Variants in SDHB observed in about 807,000 individuals in gnomAD.
SDHB encodes the protein succinate dehydrogenase [ubiquinone] iron-sulfur subunit, mitochondrial.
SDHB carries 21 observed loss-of-function variants against 39.7 expected under a neutral mutation model. The observed-to-expected ratio is 0.53, with a 90% CI of 0.37 to 0.76. SDHB has a LOEUF of 0.76. Among genes scored for constraint, SDHB ranks in the 30% least tolerant of loss-of-function variants. SDHB has a pLI of 0.00. For synonymous variants in SDHB, 118 were observed against 117.0 expected, an observed-to-expected ratio of 1.01 and a Z score of -0.06; for missense variants, 343 against 350.9, an observed-to-expected ratio of 0.98 and a Z score of 0.18.
chr1:17,050,216 T>C (rs1444255777), intron 1 of SDHB, among the ~76,000 whole-genome samples: 1 of 152,216 alleles, frequency 6.6e-6, no homozygotes, highest in Non-Finnish European at 1.5e-5. Flanking sequence ...ATATGAATGA[T>C]GTGAAATAAG....
Position 17,029,093 on chromosome 1 carries a change from GTTTTTTTTTTTTT to G in SDHB, c.287-370_287-358del, listed in dbSNP as rs746243819. ...ACGTGTTTTGAAGAAAAATCAGCCT[GTTTTTTTTTTTTT>G]TTTTTTTTTTTTTTTTAAAGAAAGG... On this transcript the variant is annotated intron_variant, in intron 3 of 7. Coordinates refer to ENST00000375499, the MANE Select transcript of SDHB (RefSeq NM_003000.3). Among the ~76,000 whole-genome samples, 714 of 72,062 alleles carry G rather than the reference GTTTTTTTTTTTTT, an allele frequency of 9.9e-3. 11 individuals carry two copies. The highest frequency in any genetic ancestry group is 0.035 in the African/African-American group (659 of 18,626). 47.3% of individuals were successfully genotyped at this position (72,062 alleles called of 152,430 possible). A position where few individuals can be genotyped will look rare whatever the true frequency, so the allele number is the denominator to read the frequency against.
rs774960237 is a variant in SDHB at position 17,033,113 on chromosome 1, T to C, written c.233A>G (p.Lys78Arg). 4 of 1,613,886 alleles carry C rather than the reference T, an allele frequency of 2.5e-6. No homozygotes were observed. The highest frequency in any genetic ancestry group is 2.5e-6 in the Non-Finnish European group (3 of 1,179,780). The change falls in exon 3 of 8, where the codon AAG (lysine) becomes AGG (arginine). Residue 78 changes from lysine to arginine, a missense_variant. Transcript: ENST00000375499. ...AGTAGAGTCAACTTCATTCTTAATC[T>C]TGATTAAAGCATCCAATACCATGGG... is the stretch of plus-strand genomic sequence containing the variant. ...CGPMVLDALI[K>R]IKNEVDSTLT...
chr1:17,035,505 A>C (rs1023807173), intron 2 of SDHB, among the ~76,000 whole-genome samples: 2 of 152,152 alleles, frequency 1.3e-5, no homozygotes, highest in African/African-American at 4.8e-5. Context: ...TTTAAATGAC[A>C]ACAACATCTT....
At chr1:17,036,588 G>A (rs553331348) in intron 2 of SDHB, among the ~76,000 whole-genome samples, 2 of 151,264 alleles carry the variant, frequency 1.3e-5, no homozygotes, top group South Asian at 4.2e-4. Context: ...TTCATTTTAG[G>A]ATTGTTCATT....
At chr1:17,021,000 TG>T (rs1233333203) in intron 7 of SDHB, among the ~76,000 whole-genome samples, 2 of 152,234 alleles carry the variant, frequency 1.3e-5, no homozygotes, top group Non-Finnish European at 2.9e-5. Context: ...TGCCGCCCAC[TG>T]ACTCACTGCA....
intron 2 of SDHB, among the ~76,000 whole-genome samples, chr1:17,037,192 T>C (rs1277547335): frequency 6.6e-6 from 1 of 152,090 alleles, no homozygotes; most frequent in Non-Finnish European, 1.5e-5. Context: ...TTATGCATAA[T>C]AAAAAACTAA....
chr1:17,018,825 A>G lies in SDHB; in HGVS notation c.*56T>C. 1 of 1,243,076 alleles carries G rather than the reference A, an allele frequency of 8.0e-7. No homozygotes were observed. The allele number at this position is 1,243,076 out of a possible 1,614,324, so 77.0% of individuals were successfully genotyped here. ...AGATCTTTAAAGGAACTCAAATTAG[A>G]TATAAATTATGTTCAGCTCTGAGCT... On this transcript the variant is annotated 3_prime_UTR_variant, in exon 8 of 8. Transcript: ENST00000375499.
chr1:17,021,136 T>G (rs997681708), intron 7 of SDHB, among the ~76,000 whole-genome samples: 2 of 152,178 alleles, frequency 1.3e-5, no homozygotes, highest in South Asian at 4.1e-4. Context: ...CTGCTATGGT[T>G]TGAATGTGTC....
chr1:17,022,002 G>C lies in SDHB; in HGVS notation c.765+606C>G, dbSNP rs537750609. The stretch of plus-strand genomic sequence containing the variant: ...GCCTCTGATGTGCAGGCATGAGAAG[G>C]TGAGCTGGGCCAATGCGACACCCTC... On this transcript the variant is annotated intron_variant, in intron 7 of 7. Transcript: ENST00000375499. Among the ~76,000 whole-genome samples, 5 of 152,340 alleles carry C rather than the reference G, an allele frequency of 3.3e-5. 1 individual carries two copies. In the South Asian group the frequency reaches 1.0e-3, roughly 32 times the overall value.
At chr1:17,024,298 T>C (rs1420256059) in intron 5 of SDHB, among the ~76,000 whole-genome samples, 2 of 152,212 alleles carry the variant, frequency 1.3e-5, no homozygotes, top group South Asian at 2.1e-4. Context: ...AATCCACGTA[T>C]AGTGCACTTT....
chr1:17,024,128 G>A (rs2077979310), intron 5 of SDHB, 54 bp from the exon 6 acceptor site: 22 of 1,221,852 alleles, frequency 1.8e-5, no homozygotes, highest in Non-Finnish European at 2.6e-5. Flanking sequence ...ACTCTGCTAT[G>A]TCTTCAGCTG....
At chr1:17,051,964 C>T (rs915660682) in intron 1 of SDHB, among the ~76,000 whole-genome samples, 1 of 151,902 alleles carries the variant, frequency 6.6e-6, no homozygotes, top group Non-Finnish European at 1.5e-5. Context: ...GCCTCAGCCT[C>T]CTGTGTAGCT....
chr1:17,050,449 G>A (rs1408417743), intron 1 of SDHB, among the ~76,000 whole-genome samples: 1 of 151,852 alleles, frequency 6.6e-6, no homozygotes, highest in Non-Finnish European at 1.5e-5. Flanking sequence ...AGGAGTTCGA[G>A]ATCAGCCTGG....
At chr1:17,041,532 C>T (rs991928897) in intron 2 of SDHB, among the ~76,000 whole-genome samples, 4 of 151,956 alleles carry the variant, frequency 2.6e-5, no homozygotes, top group East Asian at 3.9e-4. Context: ...GTGTGTGACG[C>T]GCGCCTGTAG....
intron 1 of SDHB, among the ~76,000 whole-genome samples, chr1:17,051,742 C>T (rs1325697755): frequency 6.6e-6 from 1 of 152,032 alleles, no homozygotes; most frequent in Non-Finnish European, 1.5e-5. Context: ...AAAATTTTTG[C>T]TCTACAAGAT....
intron 1 of SDHB, among the ~76,000 whole-genome samples, chr1:17,047,837 G>A (rs2101545093): frequency 6.6e-6 from 1 of 152,244 alleles, no homozygotes; most frequent in South Asian, 2.1e-4. Flanking sequence ...ACCATGCCCA[G>A]TTAGTTTTTT....
At chr1:17,036,844 G>A (rs919327377) in intron 2 of SDHB, among the ~76,000 whole-genome samples, 4 of 150,396 alleles carry the variant, frequency 2.7e-5, no homozygotes, top group African/African-American at 4.9e-5. Context: ...TAGAGACTAA[G>A]TCTTGCTATT....
At chr1:17,045,286 T>C (rs2078103256) in intron 1 of SDHB, 1 of 270,472 alleles carries the variant, frequency 3.7e-6, no homozygotes, top group Admixed American at 5.1e-5. Context: ...GTCATCTAAG[T>C]GGAGGCTTGA....
chr1:17,027,257 T>C (rs902707680), intron 5 of SDHB, among the ~76,000 whole-genome samples: 2 of 152,086 alleles, frequency 1.3e-5, no homozygotes, highest in Non-Finnish European at 2.9e-5. Context: ...TCCCAGAGAG[T>C]GAGCAGGCCA....
Sources: gnomAD v4.1 joint callset for allele counts (sites outside exome capture counted in the v4.1 genomes callset) on GRCh38, gnomAD v4.1.1 for gene constraint, MANE v1.5 for transcripts, NCBI Gene and HGNC (gene_info 2026-07-23, HGNC 2026-07-21) for gene names.